RABEP1: variants seen among roughly 807,000 people sequenced by gnomAD.
The protein encoded by RABEP1 is rabaptin, RAB GTPase binding effector protein 1, also known as rab GTPase-binding effector protein 1.
Under a neutral mutation model 123.4 loss-of-function variants are expected in RABEP1, and 51 were observed. That is an observed-to-expected ratio of 0.41 (90% CI 0.33 to 0.52). The LOEUF (loss-of-function observed/expected upper bound fraction) is 0.52, where lower values mean the gene tolerates loss of function less well. Among genes scored for constraint, RABEP1 ranks in the 20% least tolerant of loss-of-function variants. The pLI is 0.16. For synonymous variants in RABEP1, 347 were observed against 355.2 expected (o/e 0.98, Z 0.26); for missense variants, 888 against 996.3 (o/e 0.89, Z 1.46).
At chr17:5,304,169 G>T (rs1360707469) in intron 1 of RABEP1, among the ~76,000 whole-genome samples, 2 of 152,020 alleles carry the variant, frequency 1.3e-5, no homozygotes, top group African/African-American at 4.8e-5. Context: ...TTATTATTAG[G>T]TCTTTACTCC....
intron 10 of RABEP1, among the ~76,000 whole-genome samples, chr17:5,363,607 GC>G (rs1415242784): frequency 6.6e-6 from 1 of 152,084 alleles, no homozygotes; most frequent in Non-Finnish European, 1.5e-5. Flanking sequence ...TCCGCCTAAG[GC>G]CTAAAAGTGA....
Position 5,383,141 on chromosome 17 carries a change from G to A in RABEP1, c.2507G>A (p.Arg836Gln), listed in dbSNP as rs1911637977. 3 of 1,613,958 alleles carry A rather than the reference G, an allele frequency of 1.9e-6. No homozygotes were observed. Among genetic ancestry groups the A allele is most frequent in the African/African-American group, 1.3e-5 (1 of 74,902 alleles). The change falls in exon 18 of 18, where the codon CGG becomes CAG. Residue 836 changes from arginine (R) to glutamine (Q), a missense_variant. Transcript: ENST00000537505. The part of the protein sequence containing the change: ...QTLQVQLERI[R>Q]QADSLERIRA... ...CTCCAGGTGCAGTTAGAGCGGATCC[G>A]GCAAGCTGACTCCTTGGAGAGAATC...
chr17:5,353,406 G>T (rs960425750), intron 7 of RABEP1, among the ~76,000 whole-genome samples: 1 of 152,068 alleles, frequency 6.6e-6, no homozygotes, highest in Non-Finnish European at 1.5e-5. Context: ...GTAATTGTTT[G>T]TCTCTCCTCC....
intron 2 of RABEP1, among the ~76,000 whole-genome samples, chr17:5,312,307 C>T (rs994974685): frequency 1.3e-5 from 2 of 152,162 alleles, no homozygotes; most frequent in Non-Finnish European, 2.9e-5. Context: ...TGCCACCACA[C>T]CTGGCTAATT....
intron 12 of RABEP1, among the ~76,000 whole-genome samples, chr17:5,368,685 C>T (rs372603937): frequency 2.0e-5 from 3 of 152,068 alleles, no homozygotes; most frequent in South Asian, 2.1e-4. Context: ...TTTTTCTCAT[C>T]GTTTAACTTA....
In RABEP1 at chr17:5,377,323, G is replaced by A. The variant is rs781678098; in HGVS notation, c.2215+18G>A. 1.9e-6 allele frequency: 3 copies of A among 1,561,088 alleles called. No homozygotes were observed. Among genetic ancestry groups the A allele is most frequent in the South Asian group, 2.4e-5 (2 of 81,966 alleles). ...GGAAATAGGTGAAGATAAAAGTGATGTAGTTTAGAATTAGAGTCACTAAAT... is the reference window on the plus strand; with the variant it reads ...GGAAATAGGTGAAGATAAAAGTGATATAGTTTAGAATTAGAGTCACTAAAT... On this transcript the variant is annotated intron_variant, in intron 14 of 17. Transcript: ENST00000537505.
chr17:5,357,661 G>A (rs544591190), intron 8 of RABEP1, among the ~76,000 whole-genome samples: 3 of 152,068 alleles, frequency 2.0e-5, no homozygotes, highest in Non-Finnish European at 2.9e-5. Context: ...GTGAGCCACC[G>A]TTTCCAGCTT....
At chr17:5,345,099 A>C (rs1219954414) in intron 5 of RABEP1, among the ~76,000 whole-genome samples, 3 of 152,244 alleles carry the variant, frequency 2.0e-5, no homozygotes, top group African/African-American at 7.2e-5. Flanking sequence ...ATGTAAATGA[A>C]AGTGGGACAT....
At chr17:5,339,127 G>A (rs1037885793) in intron 5 of RABEP1, among the ~76,000 whole-genome samples, 1 of 151,990 alleles carries the variant, frequency 6.6e-6, no homozygotes, top group Non-Finnish European at 1.5e-5. Context: ...CTGGGTGACA[G>A]AGTGAGACCC....
intron 5 of RABEP1, among the ~76,000 whole-genome samples, chr17:5,341,300 A>G (rs768656154): frequency 6.6e-5 from 10 of 152,216 alleles, no homozygotes; most frequent in Non-Finnish European, 1.3e-4. Flanking sequence ...ACTACAAATC[A>G]GTAGAAATTT....
intron 4 of RABEP1, chr17:5,336,432 T>G: frequency 2.2e-6 from 1 of 464,080 alleles, no homozygotes; most frequent in Non-Finnish European, 4.3e-6. Flanking sequence ...CTGAAGTCCA[T>G]TTTTGTATTC....
intron 6 of RABEP1, among the ~76,000 whole-genome samples, chr17:5,348,419 G>T (rs796710911): frequency 7.9e-5 from 12 of 152,334 alleles, no homozygotes; most frequent in African/African-American, 2.6e-4. Flanking sequence ...AAGAAAAGCA[G>T]TTCAGCACAA....
intron 6 of RABEP1, among the ~76,000 whole-genome samples, chr17:5,349,169 G>A (rs772453840): frequency 6.6e-6 from 1 of 152,150 alleles, no homozygotes; most frequent in Non-Finnish European, 1.5e-5. Flanking sequence ...CTTCAGTGAA[G>A]GGTTTTAGAC....
intron 2 of RABEP1, among the ~76,000 whole-genome samples, chr17:5,314,559 C>T (rs1275815406): frequency 1.3e-5 from 2 of 149,042 alleles, no homozygotes; most frequent in African/African-American, 5.0e-5. Flanking sequence ...TGCTCTGTCA[C>T]CCAGGCTGGA....
chr17:5,328,785 T>G (rs1242967792), intron 2 of RABEP1, among the ~76,000 whole-genome samples: 3 of 150,188 alleles, frequency 2.0e-5, no homozygotes, highest in Admixed American at 2.0e-4. Context: ...ACCCTGTCTC[T>G]ACTAAAACTA....
Position 5,347,026 on chromosome 17 carries a change from T to C in RABEP1, c.784+101T>C, listed in dbSNP as rs569791525. On this transcript the variant is annotated intron_variant, in intron 6 of 17. Transcript: ENST00000537505. ...CAAATCTTAAAATAACAATGCAACATGTTAGTGATTCAATTTAAGCCTTGT... is the reference window on the plus strand; with the variant it reads ...CAAATCTTAAAATAACAATGCAACACGTTAGTGATTCAATTTAAGCCTTGT... The C allele has an allele frequency of 2.2e-5, 22 of 988,402 alleles. No homozygotes were observed. In the African/African-American group the frequency reaches 3.5e-4, roughly 16 times the overall value. 61.2% of individuals were successfully genotyped at this position (988,402 alleles called of 1,614,324 possible). A position where few individuals can be genotyped will look rare whatever the true frequency, so the allele number is the denominator to read the frequency against.
In RABEP1 at chr17:5,308,837, C is replaced by T. The variant is rs1453820509; in HGVS notation, c.163+15C>T. On this transcript the variant is annotated intron_variant, in intron 2 of 17. Coordinates refer to ENST00000537505, the MANE Select transcript of RABEP1 (RefSeq NM_004703.6). ...GGCTAAAGAGGGTAAGTTCATAAGTCTCGCACCAACTTCAATGCGAAAACT... is the reference window on the plus strand; with the variant it reads ...GGCTAAAGAGGGTAAGTTCATAAGTTTCGCACCAACTTCAATGCGAAAACT... The T allele has an allele frequency of 6.3e-7, 1 of 1,580,818 alleles. No individual in the cohort carries two copies. The highest frequency in any genetic ancestry group is 1.4e-5 in the African/African-American group (1 of 73,642).
At chr17:5,337,572 A>G (rs1907213749) in intron 4 of RABEP1, among the ~76,000 whole-genome samples, 1 of 152,124 alleles carries the variant, frequency 6.6e-6, no homozygotes, top group Non-Finnish European at 1.5e-5. Flanking sequence ...AGGCGCCTGT[A>G]GTCCCAGTTA....
intron 8 of RABEP1, among the ~76,000 whole-genome samples, chr17:5,358,542 C>T (rs938377998): frequency 3.9e-5 from 6 of 152,058 alleles, no homozygotes; most frequent in East Asian, 1.9e-4. Flanking sequence ...TGGTGTCTGG[C>T]GCCTGTCGTC....
Sources: gnomAD v4.1 joint callset for allele counts (sites outside exome capture counted in the v4.1 genomes callset) on GRCh38, gnomAD v4.1.1 for gene constraint, MANE v1.5 for transcripts, NCBI Gene and HGNC (gene_info 2026-07-23, HGNC 2026-07-21) for gene names.